Variants in PITPNM2 observed in about 807,000 individuals in gnomAD.
PITPNM2 encodes phosphatidylinositol transfer protein membrane associated 2, also known as membrane-associated phosphatidylinositol transfer protein 2.
PITPNM2 carries 35 observed loss-of-function variants against 132.2 expected under a neutral mutation model. The ratio of observed to expected loss-of-function variants is 0.26; its 90% CI spans 0.20 to 0.35. The LOEUF is 0.35. Ranked by LOEUF, PITPNM2 falls within the 10% of genes least tolerant of loss-of-function variation. The pLI is 1.00. For missense variants in PITPNM2, 1,332 were observed against 1,912.0 expected (o/e 0.70, Z 5.66); for synonymous variants, 738 against 799.2 (o/e 0.92, Z 1.29).
At position 123,095,518 on chromosome 12, in the gene PITPNM2, G is replaced by C. The variant is rs1048600582; in HGVS notation, c.-96+14867C>G. Among the ~76,000 whole-genome samples, 2 of 151,510 alleles carry C rather than the reference G, an allele frequency of 1.3e-5. No individual in the cohort carries two copies. The highest frequency in any genetic ancestry group is 1.3e-4 in the Admixed American group (2 of 15,242). The stretch of plus-strand genomic sequence containing the variant: ...CACCAGCCTGCCCCCTCCTCCCCCC[G>C]CCTCCGACCTGTCACCCAGATGAAG... On this transcript the variant is annotated intron_variant, in intron 2 of 25. Transcript: ENST00000320201. This position sits in a 1 kb window ranked among gnomAD's most constrained non-coding sequence, Gnocchi z 5.0.
rs1214750387 is a variant in PITPNM2 at position 123,150,523 on chromosome 12, C to G, written c.-200+230G>C. Among the ~76,000 whole-genome samples, 1 of 152,096 alleles carries G rather than the reference C, an allele frequency of 6.6e-6. No individual in the cohort carries two copies. Among genetic ancestry groups the G allele is most frequent in the African/African-American group, 2.4e-5 (1 of 41,450 alleles). ...GGGCACGGATCCAGGGCCGGCGACT[C>G]ACTGAGGCCAGGCTCGGGCGGTCTC... On this transcript the variant is annotated intron_variant, in intron 1 of 25. Coordinates refer to ENST00000320201, the MANE Select transcript of PITPNM2 (RefSeq NM_020845.3). This position sits in a 1 kb window ranked among gnomAD's most constrained non-coding sequence, Gnocchi z 6.0.
Position 122,994,699 on chromosome 12 carries a change from A to G in PITPNM2, c.2233+102T>C. On this transcript the variant is annotated intron_variant, in intron 15 of 25. Transcript: ENST00000320201. This position sits in a 1 kb window ranked among gnomAD's most constrained non-coding sequence, Gnocchi z 5.4. ...GGAAGACAGGAAGGAGGGCAGAAACAGGCCTGGGACGTGGCCATGATCTCA... is the reference window on the plus strand; with the variant it reads ...GGAAGACAGGAAGGAGGGCAGAAACGGGCCTGGGACGTGGCCATGATCTCA... 7.8e-7 allele frequency: 1 copy of G among 1,288,108 alleles called. No individual in the cohort carries two copies. The highest frequency in any genetic ancestry group is 2.5e-4 in the Middle Eastern group (1 of 3,974). 79.8% of individuals were successfully genotyped at this position (1,288,108 alleles called of 1,614,324 possible).
intron 1 of PITPNM2, among the ~76,000 whole-genome samples, chr12:123,148,034 G>A (rs2043653406): frequency 1.3e-5 from 2 of 152,196 alleles, no homozygotes; most frequent in Non-Finnish European, 2.9e-5. Context: ...ATGGGTCACT[G>A]TAAGAAGCCT....
intron 1 of PITPNM2, among the ~76,000 whole-genome samples, chr12:123,127,333 CTT>C (rs1341940927): frequency 1.3e-5 from 2 of 152,196 alleles, no homozygotes; most frequent in African/African-American, 2.4e-5. Context: ...GGGTGTTACT[CTT>C]GTTTCTAACC....
intron 1 of PITPNM2, among the ~76,000 whole-genome samples, chr12:123,143,700 G>A (rs542800501): frequency 3.9e-5 from 6 of 152,336 alleles, no homozygotes; most frequent in African/African-American, 1.4e-4. Context: ...AGAACCCACT[G>A]CATGAAAGTA....
intron 8 of PITPNM2, among the ~76,000 whole-genome samples, chr12:123,003,846 C>T (rs77674871): frequency 0.072 from 11,022 of 152,270 alleles, 539 homozygotes; most frequent in Non-Finnish European, 0.11. Context: ...ACCAAGCAGG[C>T]GAGCGCTGTA....
At chr12:123,048,222 C>T (rs1321667017) in intron 2 of PITPNM2, among the ~76,000 whole-genome samples, 1 of 152,130 alleles carries the variant, frequency 6.6e-6, no homozygotes, top group Non-Finnish European at 1.5e-5. Context: ...CATTCTGACA[C>T]ATGCTACAAC....
Position 123,013,791 on chromosome 12 carries a change from G to T in PITPNM2, c.293+37C>A, listed in dbSNP as rs759603151. 3.1e-6 allele frequency: 5 copies of T among 1,595,470 alleles called. No individual in the cohort carries two copies. The South Asian group carries it at 5.5e-5, about 18-fold the overall frequency. On this transcript the variant is annotated intron_variant, in intron 4 of 25. Coordinates refer to ENST00000320201, the MANE Select transcript of PITPNM2 (RefSeq NM_020845.3). Reference sequence around the variant, plus strand: ...GATTGCTTCCCGCCAGATGGCATGTGGAGGTGGGAGGCACATGGAGGCCAA... The same window carrying T: ...GATTGCTTCCCGCCAGATGGCATGTTGAGGTGGGAGGCACATGGAGGCCAA...
rs1476191437 is a variant in PITPNM2, at chr12:123,064,186, C to T, written c.-95-29501G>A. Among the ~76,000 whole-genome samples the T allele has an allele frequency of 1.3e-5, 2 of 152,216 alleles. No homozygotes were observed. The highest frequency in any genetic ancestry group is 2.9e-5 in the Non-Finnish European group (2 of 68,042). ...GGGGCCGTTGCTCACTGTTTCGACC[C>T]TCCCAGCAACGCTGCCAGCAGGCAG... On this transcript the variant is annotated intron_variant, in intron 2 of 25. Transcript: ENST00000320201. The surrounding 1 kb of genome is among the most constrained non-coding windows in gnomAD (Gnocchi z 4.0).
At chr12:123,048,128 T>C (rs371231711) in intron 2 of PITPNM2, among the ~76,000 whole-genome samples, 1 of 143,806 alleles carries the variant, frequency 7.0e-6, no homozygotes, top group Non-Finnish European at 1.5e-5. Flanking sequence ...CAGACAGACA[T>C]CACATGAGTC....
At chr12:123,113,986 T>C (rs1300607096) in intron 1 of PITPNM2, among the ~76,000 whole-genome samples, 1 of 152,196 alleles carries the variant, frequency 6.6e-6, no homozygotes, top group Non-Finnish European at 1.5e-5. Context: ...TAGCATAATG[T>C]TTCTGAGGTT....
Position 123,095,808 on chromosome 12 carries a change from G to A in PITPNM2, c.-96+14577C>T, listed in dbSNP as rs1474282413. On this transcript the variant is annotated intron_variant, in intron 2 of 25. Coordinates refer to ENST00000320201, the MANE Select transcript of PITPNM2 (RefSeq NM_020845.3). The surrounding 1 kb of genome is among the most constrained non-coding windows in gnomAD (Gnocchi z 5.0). ...TTGTTTACACGCAACCCTGCCTCCT[G>A]TGTCGTGTGAACTCAGCACCCCACA... 6.6e-6 allele frequency among the ~76,000 whole-genome samples: 1 copy of A among 152,208 alleles called. No homozygotes were observed. Among genetic ancestry groups the A allele is most frequent in the African/African-American group, 2.4e-5 (1 of 41,452 alleles).
At position 123,083,112 on chromosome 12, in the gene PITPNM2, G is replaced by A. The variant is rs2042012502; in HGVS notation, c.-96+27273C>T. 1 of 152,226 alleles carries A rather than the reference G, an allele frequency of 6.6e-6. No homozygotes were observed. Among genetic ancestry groups the A allele is most frequent in the African/African-American group, 2.4e-5 (1 of 41,458 alleles). The allele number at this position is 152,226 out of a possible 1,614,324, so 9.4% of individuals were successfully genotyped here. Reference sequence around the variant, plus strand: ...GCATACGCTTGTAGTCCCAGCTACAGGAGGCTGTGGTGGGAGGATTGTTTG... The same window carrying A: ...GCATACGCTTGTAGTCCCAGCTACAAGAGGCTGTGGTGGGAGGATTGTTTG... On this transcript the variant is annotated intron_variant, in intron 2 of 25. Coordinates refer to ENST00000320201, the MANE Select transcript of PITPNM2 (RefSeq NM_020845.3). This position sits in a 1 kb window ranked among gnomAD's most constrained non-coding sequence, Gnocchi z 4.5.
At chr12:123,021,851 G>A (rs1295543697) in intron 3 of PITPNM2, 2 of 303,690 alleles carry the variant, frequency 6.6e-6, no homozygotes, top group Non-Finnish European at 9.7e-6. Flanking sequence ...CTCCCCATCT[G>A]TAAGAGGAGG....
intron 10 of PITPNM2, 92 bp from the exon 11 acceptor site, chr12:122,997,664 C>T: frequency 6.6e-7 from 1 of 1,516,022 alleles, no homozygotes; most frequent in Non-Finnish European, 8.9e-7. Context: ...GTGCCTCTTG[C>T]ACGCAGCCCA....
At chr12:122,988,098 G>C in intron 20 of PITPNM2, 136 bp downstream of exon 20, 1 of 912,412 alleles carries the variant, frequency 1.1e-6, no homozygotes, top group Non-Finnish European at 1.7e-6. Flanking sequence ...TGTGAAGTGG[G>C]CTGACAGCTC....
intron 1 of PITPNM2, among the ~76,000 whole-genome samples, chr12:123,113,300 G>A (rs748060652): frequency 1.3e-5 from 2 of 152,188 alleles, no homozygotes; most frequent in African/African-American, 2.4e-5. Flanking sequence ...GTGGAACCAC[G>A]GCAAACTGTC....
At chr12:122,991,672 G>A in intron 16 of PITPNM2, 1 of 1,255,112 alleles carries the variant, frequency 8.0e-7, no homozygotes, top group South Asian at 3.6e-5. Flanking sequence ...GAGTGGCCAA[G>A]GAGGGCATGG....
chr12:123,024,195 T>C (rs2039772343), intron 3 of PITPNM2, among the ~76,000 whole-genome samples: 1 of 152,220 alleles, frequency 6.6e-6, no homozygotes, highest in African/African-American at 2.4e-5. Flanking sequence ...ACATCATTTG[T>C]CATTAGGGAA....
Sources: allele counts gnomAD v4.1 joint callset (sites outside exome capture counted in the v4.1 genomes callset), GRCh38; gene constraint gnomAD v4.1.1; non-coding constraint Gnocchi (gnomAD v3.1); transcripts MANE v1.5; gene names NCBI Gene and HGNC (gene_info 2026-07-23, HGNC 2026-07-21).